Variants in ROBO1 observed in about 807,000 individuals in gnomAD.
ROBO1 encodes roundabout homolog 1.
ROBO1 carries 149 observed loss-of-function variants against 195.9 expected under a neutral mutation model. The ratio of observed to expected loss-of-function variants is 0.76; its 90% CI spans 0.67 to 0.87. The LOEUF (loss-of-function observed/expected upper bound fraction) is 0.87. Among genes scored for constraint, ROBO1 ranks in the 40% least tolerant of loss-of-function variants. The probability of loss-of-function intolerance (pLI) is 0.00; values close to 1 mark genes in which losing one functional copy is unlikely to be tolerated. For synonymous variants in ROBO1, 816 were observed against 733.2 expected, an observed-to-expected ratio of 1.11 and a Z score of -1.82; for missense variants, 1,933 against 2,068.3, an observed-to-expected ratio of 0.93 and a Z score of 1.27.
At chr3:79,502,178 C>A (rs2107503900) in intron 2 of ROBO1, among the ~76,000 whole-genome samples, 1 of 152,298 alleles carries the variant, frequency 6.6e-6, no homozygotes, top group Non-Finnish European at 1.5e-5. Context: ...CCCTTCAGCC[C>A]GCCGCTGCAC....
chr3:79,274,001 C>A (rs1402391547), intron 2 of ROBO1, among the ~76,000 whole-genome samples: 2 of 151,836 alleles, frequency 1.3e-5, no homozygotes, highest in Non-Finnish European at 2.9e-5. Context: ...CACCAGGGCA[C>A]CCAGATACAT....
intron 3 of ROBO1, among the ~76,000 whole-genome samples, chr3:79,090,546 G>A (rs916405344): frequency 8.2e-6 from 1 of 122,240 alleles, no homozygotes; most frequent in Non-Finnish European, 1.6e-5. Context: ...TATAATTTTT[G>A]TTCCTCAAAT....
intron 2 of ROBO1, among the ~76,000 whole-genome samples, chr3:79,191,452 T>C (rs2081538084): frequency 6.6e-6 from 1 of 151,440 alleles, no homozygotes; most frequent in Non-Finnish European, 1.5e-5. Context: ...CTTCTAAAAC[T>C]CTTTGTATTA....
intron 2 of ROBO1, among the ~76,000 whole-genome samples, chr3:79,424,074 T>C (rs2038341801): frequency 6.6e-6 from 1 of 152,048 alleles, no homozygotes; most frequent in South Asian, 2.1e-4. Context: ...TTTAAAGATG[T>C]TGCTAAAGCA....
intron 2 of ROBO1, among the ~76,000 whole-genome samples, chr3:79,432,044 G>T (rs114339459): frequency 0.034 from 5,220 of 152,138 alleles, 205 homozygotes; most frequent in African/African-American, 0.098. Flanking sequence ...GAAGTTTGAT[G>T]CATTTACAGA....
chr3:79,053,750 C>T (rs1043599703), intron 3 of ROBO1, among the ~76,000 whole-genome samples: 2 of 152,016 alleles, frequency 1.3e-5, no homozygotes, highest in Non-Finnish European at 2.9e-5. Context: ...CTTTTCCTGT[C>T]ACTTCTATGC....
intron 2 of ROBO1, among the ~76,000 whole-genome samples, chr3:79,432,408 C>T (rs939360072): frequency 3.7e-4 from 57 of 152,104 alleles, no homozygotes; most frequent in African/African-American, 1.4e-3. Flanking sequence ...GAGACCATTA[C>T]ATCACTCATA....
At chr3:78,691,325 T>C (rs988612781) in intron 8 of ROBO1, among the ~76,000 whole-genome samples, 6 of 152,072 alleles carry the variant, frequency 3.9e-5, no homozygotes, top group Non-Finnish European at 5.9e-5. Context: ...TAATCAAAAA[T>C]ACATAATCAG....
chr3:78,787,968 C>G (rs1286154555), intron 4 of ROBO1, among the ~76,000 whole-genome samples: 6 of 134,458 alleles, frequency 4.5e-5, no homozygotes, highest in Non-Finnish European at 7.8e-5. Context: ...GATACGGAGT[C>G]TCCCGCTGTC....
chr3:78,912,927 G>A (rs954657310), intron 4 of ROBO1, among the ~76,000 whole-genome samples: 5 of 152,016 alleles, frequency 3.3e-5, no homozygotes, highest in South Asian at 4.1e-4. Flanking sequence ...CCTCTTGAAC[G>A]TCCAATTTTC....
chr3:78,892,814 C>T (rs1479057509), intron 4 of ROBO1, among the ~76,000 whole-genome samples: 1 of 152,140 alleles, frequency 6.6e-6, no homozygotes, highest in African/African-American at 2.4e-5. Flanking sequence ...ATTGATTTGC[C>T]TGATATCATT....
chr3:79,320,036 A>G (rs970785998), intron 2 of ROBO1, among the ~76,000 whole-genome samples: 1 of 152,208 alleles, frequency 6.6e-6, no homozygotes, highest in Non-Finnish European at 1.5e-5. Flanking sequence ...GGAGAAACAT[A>G]TGTAATGTCT....
intron 2 of ROBO1, among the ~76,000 whole-genome samples, chr3:79,251,623 C>T (rs558763406): frequency 9.2e-5 from 14 of 152,112 alleles, no homozygotes; most frequent in South Asian, 6.2e-4. Context: ...TGGTGGCGGA[C>T]GCCTGCAGTC....
At chr3:79,536,171 A>T (rs1941853452) in intron 2 of ROBO1, among the ~76,000 whole-genome samples, 1 of 152,130 alleles carries the variant, frequency 6.6e-6, no homozygotes, top group African/African-American at 2.4e-5. Flanking sequence ...CACATTTCAG[A>T]CTATATATAT....
intron 25 of ROBO1, among the ~76,000 whole-genome samples, chr3:78,627,917 C>A (rs536056217): frequency 6.6e-6 from 1 of 151,860 alleles, no homozygotes; most frequent in African/African-American, 2.4e-5. Context: ...TTACAGAGGA[C>A]CTGAAGATGA....
chr3:78,719,484 CATAT>C (rs561105601), intron 5 of ROBO1, among the ~76,000 whole-genome samples: 55 of 136,216 alleles, frequency 4.0e-4, no homozygotes, highest in Middle Eastern at 3.6e-3. Flanking sequence ...TACACACATG[CATAT>C]ATATACACAT....
intron 1 of ROBO1, among the ~76,000 whole-genome samples, chr3:79,717,706 G>C (rs144541347): frequency 1.3e-5 from 2 of 152,078 alleles, no homozygotes; most frequent in African/African-American, 4.8e-5. Flanking sequence ...ATGCATATAT[G>C]TTAGAAGTGT....
intron 2 of ROBO1, among the ~76,000 whole-genome samples, chr3:79,249,768 A>G (rs2082686284): frequency 6.6e-6 from 1 of 152,206 alleles, no homozygotes; most frequent in Non-Finnish European, 1.5e-5. Flanking sequence ...ACGTGGACAT[A>G]GACGTATTCT....
intron 2 of ROBO1, among the ~76,000 whole-genome samples, chr3:79,356,671 T>C (rs1362447066): frequency 6.6e-6 from 1 of 152,196 alleles, no homozygotes; most frequent in Non-Finnish European, 1.5e-5. Context: ...GTTTTTTCCC[T>C]TTTATTTATG....
Sources: allele counts gnomAD v4.1 joint callset (sites outside exome capture counted in the v4.1 genomes callset), GRCh38; gene constraint gnomAD v4.1.1; transcripts MANE v1.5; gene names NCBI Gene and HGNC (gene_info 2026-07-23, HGNC 2026-07-21).